The following EXPH5 variants were observed in gnomAD, a reference collection of about 807,000 sequenced individuals.
The protein encoded by EXPH5 is exophilin 5.
Under a neutral mutation model 41.1 loss-of-function variants are expected in EXPH5, and 42 were observed. That is an observed-to-expected ratio of 1.02 (90% CI 0.80 to 1.32). The LOEUF (loss-of-function observed/expected upper bound fraction) is 1.32, where lower values mean the gene tolerates loss of function less well. Ranked by LOEUF, EXPH5 falls within the 40% of genes most tolerant of loss-of-function variation. The pLI is 0.00. For missense variants in EXPH5, 2,298 were observed against 2,314.5 expected, an observed-to-expected ratio of 0.99 and a Z score of 0.15; for synonymous variants, 798 against 833.5, an observed-to-expected ratio of 0.96 and a Z score of 0.73.
intron 1 of EXPH5, among the ~76,000 whole-genome samples, chr11:108,559,776 T>C (rs887576704): frequency 6.6e-6 from 1 of 152,252 alleles, no homozygotes; most frequent in South Asian, 2.1e-4. Context: ...TGCTATTTCA[T>C]AAAGTTAAAG....
chr11:108,579,611 T>G (rs1376558183), intron 1 of EXPH5, among the ~76,000 whole-genome samples: 1 of 151,876 alleles, frequency 6.6e-6, no homozygotes, highest in Non-Finnish European at 1.5e-5. Flanking sequence ...ACCCTGTCTC[T>G]CCTAGGAAAT....
At chr11:108,554,818 G>A (rs2093983263) in intron 1 of EXPH5, among the ~76,000 whole-genome samples, 1 of 152,150 alleles carries the variant, frequency 6.6e-6, no homozygotes, top group African/African-American at 2.4e-5. Context: ...CAGGTACTTG[G>A]CTGGCTGAGG....
intron 4 of EXPH5, among the ~76,000 whole-genome samples, chr11:108,519,699 A>G (rs1347966570): frequency 6.6e-6 from 1 of 151,644 alleles, no homozygotes; most frequent in East Asian, 1.9e-4. Flanking sequence ...AGTGAGCTAA[A>G]ATCATGCCAC....
rs771035473 is a variant in EXPH5, at chr11:108,511,390, T to C, written c.4117A>G (p.Lys1373Glu). ...TTTTCTGAATCACCTAGAGGTGTTTTAGCTAAATTATCTGAAAAAATCTCT... is the reference window on the plus strand; with the variant it reads ...TTTTCTGAATCACCTAGAGGTGTTTCAGCTAAATTATCTGAAAAAATCTCT... ...AREIFSDNLA[K>E]TPLGDSENKK... The change falls in exon 6 of 6, where the codon AAA (lysine) becomes GAA (glutamate). Residue 1373 changes from lysine (K) to glutamate (E), a missense_variant. Physicochemically the swap from Lys to Glu is moderately conservative, Grantham distance 56. Transcript: ENST00000265843. 9 of 1,590,658 alleles carry C rather than the reference T, an allele frequency of 5.7e-6. No homozygotes were observed. The highest frequency in any genetic ancestry group is 5.4e-5 in the African/African-American group (4 of 73,606).
chr11:108,565,403 C>T (rs992373437), intron 1 of EXPH5, among the ~76,000 whole-genome samples: 3 of 152,222 alleles, frequency 2.0e-5, no homozygotes, highest in Non-Finnish European at 4.4e-5. Flanking sequence ...TTGGCCACTA[C>T]AGCACACCAC....
chr11:108,540,049 A>G (rs2852185), intron 2 of EXPH5, among the ~76,000 whole-genome samples: 150,029 of 152,324 alleles, frequency 0.98, 73,923 homozygotes, highest in East Asian at 1. Context: ...CAGGCACGGT[A>G]GCTCACGCCT....
intron 3 of EXPH5, among the ~76,000 whole-genome samples, chr11:108,533,383 T>C (rs1353293076): frequency 2.0e-5 from 3 of 152,162 alleles, no homozygotes; most frequent in Non-Finnish European, 2.9e-5. Context: ...TTTCTAATTT[T>C]TAGTAGAGAC....
intron 1 of EXPH5, among the ~76,000 whole-genome samples, chr11:108,569,833 A>G (rs1183485364): frequency 1.6e-5 from 1 of 63,710 alleles, no homozygotes; most frequent in African/African-American, 4.9e-5. Flanking sequence ...ACAGAGGAAC[A>G]CGGAGGTGCC....
intron 1 of EXPH5, among the ~76,000 whole-genome samples, chr11:108,555,653 C>T (rs922345057): frequency 2.5e-4 from 38 of 152,176 alleles, no homozygotes; most frequent in African/African-American, 7.9e-4. Flanking sequence ...GGTGGGACCT[C>T]GTGGGAGGTG....
chr11:108,524,746 T>G (rs972704226), intron 4 of EXPH5, among the ~76,000 whole-genome samples: 1 of 152,184 alleles, frequency 6.6e-6, no homozygotes, highest in Non-Finnish European at 1.5e-5. Flanking sequence ...ATCAACAAAT[T>G]AAATTTTCAA....
intron 3 of EXPH5, among the ~76,000 whole-genome samples, chr11:108,532,165 C>A (rs528554105): frequency 6.7e-6 from 1 of 149,784 alleles, no homozygotes; most frequent in African/African-American, 2.5e-5. Context: ...GTCCTAGATC[C>A]CTTCTGCCAT....
chr11:108,592,201 A>G (rs1296286270), intron 1 of EXPH5, among the ~76,000 whole-genome samples: 1 of 152,126 alleles, frequency 6.6e-6, no homozygotes, highest in Non-Finnish European at 1.5e-5. Flanking sequence ...CTTTTTCTCA[A>G]GGCAGATGGT....
At chr11:108,534,598 T>C (rs1272112832) in intron 3 of EXPH5, among the ~76,000 whole-genome samples, 1 of 152,224 alleles carries the variant, frequency 6.6e-6, no homozygotes, top group Middle Eastern at 3.2e-3. Context: ...CTTAGTCTTA[T>C]TTGTTTTTCA....
At chr11:108,585,594 C>G (rs2094110762) in intron 1 of EXPH5, among the ~76,000 whole-genome samples, 1 of 152,166 alleles carries the variant, frequency 6.6e-6, no homozygotes, top group Non-Finnish European at 1.5e-5. Flanking sequence ...TTATAAATTA[C>G]CCAGTCTAAG....
chr11:108,539,190 G>T lies in EXPH5; in HGVS notation c.281-4C>A. 2.0e-6 allele frequency: 3 copies of T among 1,537,566 alleles called. No individual in the cohort carries two copies. Among genetic ancestry groups the T allele is most frequent in the South Asian group, 2.5e-5 (2 of 81,404 alleles). On this transcript the variant is annotated splice_region_variant and splice_polypyrimidine_tract_variant and intron_variant, in intron 2 of 5. Transcript: ENST00000265843. ...GATGTAGGTAATTCTATCGGATCTA[G>T]AAAAAAAAATTGTAAAAATTTTGCA...
chr11:108,525,573 A>C (rs905780449), intron 4 of EXPH5, among the ~76,000 whole-genome samples: 1 of 152,190 alleles, frequency 6.6e-6, no homozygotes, highest in Non-Finnish European at 1.5e-5. Context: ...AAGCTTATGC[A>C]AATGTTTAAG....
At chr11:108,520,003 A>G (rs1388386208) in intron 4 of EXPH5, among the ~76,000 whole-genome samples, 1 of 151,070 alleles carries the variant, frequency 6.6e-6, no homozygotes, top group African/African-American at 2.4e-5. Flanking sequence ...TTTAGGGGGA[A>G]AAATGTGTTT....
At chr11:108,587,685 C>T (rs1210112753) in intron 1 of EXPH5, among the ~76,000 whole-genome samples, 2 of 152,116 alleles carry the variant, frequency 1.3e-5, no homozygotes, top group South Asian at 2.1e-4. Context: ...TCGTAACGGA[C>T]ATTTATGAAA....
chr11:108,528,314 A>T lies in EXPH5; in HGVS notation c.444-130T>A, dbSNP rs1026847239. On this transcript the variant is annotated intron_variant, in intron 3 of 5. Transcript: ENST00000265843. ...TCTATTTCTAATTCACTGTAGAAAG[A>T]TGTTTCTTCGTTAGTGCATTATTGA... 5 of 631,922 alleles carry T rather than the reference A, an allele frequency of 7.9e-6. No homozygotes were observed. The African/African-American group carries it at 9.2e-5, about 12-fold the overall frequency. 39.1% of individuals were successfully genotyped at this position (631,922 alleles called of 1,614,324 possible).
Sources: allele counts gnomAD v4.1 joint callset (sites outside exome capture counted in the v4.1 genomes callset), GRCh38; gene constraint gnomAD v4.1.1; transcripts MANE v1.5; gene names NCBI Gene and HGNC (gene_info 2026-07-23, HGNC 2026-07-21).